The following NTNG1 variants were observed in gnomAD, a reference collection of about 807,000 sequenced individuals.
The protein encoded by NTNG1 is netrin-G1.
NTNG1 carries 16 observed loss-of-function variants against 54.0 expected under a neutral mutation model. That is an observed-to-expected ratio of 0.30 (90% CI 0.20 to 0.45). The LOEUF (loss-of-function observed/expected upper bound fraction) is 0.45, where lower values mean the gene tolerates loss of function less well. Among genes scored for constraint, NTNG1 ranks in the 20% least tolerant of loss-of-function variants. The pLI is 1.00. For missense variants in NTNG1, 530 were observed against 678.7 expected (o/e 0.78, Z 2.43); for synonymous variants, 255 against 263.1 (o/e 0.97, Z 0.30).
intron 5 of NTNG1, among the ~76,000 whole-genome samples, chr1:107,416,905 A>G (rs537749907): frequency 3.9e-4 from 59 of 152,256 alleles, no homozygotes; most frequent in African/African-American, 1.4e-3. Flanking sequence ...ATCTGATACT[A>G]ATAATACAAA....
intron 3 of NTNG1, among the ~76,000 whole-genome samples, chr1:107,384,748 C>T (rs1300150570): frequency 1.3e-5 from 2 of 152,102 alleles, no homozygotes; most frequent in African/African-American, 4.8e-5. Context: ...GCCCTAATGC[C>T]CCTTCTTTCA....
intron 7 of NTNG1, among the ~76,000 whole-genome samples, chr1:107,478,436 C>T (rs535677): frequency 0.89 from 135,935 of 152,210 alleles, 61,418 homozygotes; most frequent in East Asian, 1. Context: ...TACTTAAATG[C>T]AGGAAAAATA....
intron 2 of NTNG1, among the ~76,000 whole-genome samples, chr1:107,150,004 T>G (rs17018474): frequency 0.019 from 2,818 of 152,196 alleles, 80 homozygotes; most frequent in African/African-American, 0.064. Context: ...ATAAAAAAGG[T>G]TTTGTAACAG....
intron 2 of NTNG1, among the ~76,000 whole-genome samples, chr1:107,205,655 T>G (rs1196338224): frequency 6.6e-6 from 1 of 152,032 alleles, no homozygotes; most frequent in Non-Finnish European, 1.5e-5. Context: ...CCGTCTAACA[T>G]ACACGCAGAA....
chr1:107,263,670 A>G (rs1387947325), intron 2 of NTNG1, among the ~76,000 whole-genome samples: 1 of 152,220 alleles, frequency 6.6e-6, no homozygotes, highest in Non-Finnish European at 1.5e-5. Flanking sequence ...CTTCCCACTT[A>G]GCATTTCTTG....
At chr1:107,252,449 G>C (rs1662670019) in intron 2 of NTNG1, among the ~76,000 whole-genome samples, 2 of 152,156 alleles carry the variant, frequency 1.3e-5, no homozygotes, top group South Asian at 4.1e-4. Context: ...CAATATCTAA[G>C]AACAGGAAAT....
chr1:107,379,491 A>G (rs920849194), intron 3 of NTNG1, among the ~76,000 whole-genome samples: 1 of 152,184 alleles, frequency 6.6e-6, no homozygotes, highest in Admixed American at 6.5e-5. Flanking sequence ...GGTATTAGTC[A>G]TATCCTAAGC....
chr1:107,148,509 G>GTA lies in NTNG1; in HGVS notation c.-77_-76dup. 3 of 1,234,994 alleles carry GTA rather than the reference G, an allele frequency of 2.4e-6. No individual in the cohort carries two copies. Among genetic ancestry groups the GTA allele is most frequent in the Non-Finnish European group, 3.5e-6 (3 of 852,318 alleles). 76.5% of individuals were successfully genotyped at this position (1,234,994 alleles called of 1,614,324 possible). A position where few individuals can be genotyped will look rare whatever the true frequency, so the allele number is the denominator to read the frequency against. The stretch of plus-strand genomic sequence containing the variant: ...TACCCGTACGCATACATACATATGT[G>GTA]TATATATATGTAAACTAGACAAAGA... On this transcript the variant is annotated 5_prime_UTR_variant, in exon 2 of 8. The change creates a new upstream start codon in the 5' untranslated region. Transcript: ENST00000370068.
At chr1:107,252,175 A>G (rs1370161592) in intron 2 of NTNG1, among the ~76,000 whole-genome samples, 1 of 152,164 alleles carries the variant, frequency 6.6e-6, no homozygotes, top group African/African-American at 2.4e-5. Flanking sequence ...CATTTTGTCT[A>G]TTATTATTGC....
chr1:107,153,010 C>A (rs1418400613), intron 2 of NTNG1, among the ~76,000 whole-genome samples: 1 of 152,114 alleles, frequency 6.6e-6, no homozygotes, highest in African/African-American at 2.4e-5. Context: ...ATTCAAGTAC[C>A]TTAACAGATC....
Position 107,435,102 on chromosome 1 carries a change from G to A in NTNG1, c.1256-1563G>A, listed in dbSNP as rs192582118. Among the ~76,000 whole-genome samples, 10 of 151,964 alleles carry A rather than the reference G, an allele frequency of 6.6e-5. No individual in the cohort carries two copies. The East Asian group carries it at 1.4e-3, about 21-fold the overall frequency. Reference sequence around the variant, plus strand: ...TGACTGGAGGAGTATGTGAATTCACGTTGGCCAGATGTAACTCTGCTTACT... The same window carrying A: ...TGACTGGAGGAGTATGTGAATTCACATTGGCCAGATGTAACTCTGCTTACT... On this transcript the variant is annotated intron_variant, in intron 6 of 7. Coordinates refer to ENST00000370068, the MANE Select transcript of NTNG1 (RefSeq NM_001113226.3).
At chr1:107,405,752 G>A (rs1673375836) in intron 4 of NTNG1, among the ~76,000 whole-genome samples, 1 of 152,070 alleles carries the variant, frequency 6.6e-6, no homozygotes, top group Admixed American at 6.6e-5. Flanking sequence ...GATTACAACA[G>A]GCAAGCAGTG....
At chr1:107,348,834 G>A (rs11185096) in intron 3 of NTNG1, among the ~76,000 whole-genome samples, 11,465 of 152,152 alleles carry the variant, frequency 0.075, 557 homozygotes, top group East Asian at 0.16. Context: ...TTGTTGATAG[G>A]AATATTATTA....
At chr1:107,289,468 T>A (rs1296767653) in intron 2 of NTNG1, among the ~76,000 whole-genome samples, 1 of 152,218 alleles carries the variant, frequency 6.6e-6, no homozygotes, top group Non-Finnish European at 1.5e-5. Context: ...GATACTTGCC[T>A]TGCCTCCTAG....
intron 2 of NTNG1, among the ~76,000 whole-genome samples, chr1:107,222,488 C>A (rs1488667413): frequency 1.3e-5 from 2 of 152,098 alleles, no homozygotes; most frequent in Admixed American, 1.3e-4. Flanking sequence ...GTAGCATAGG[C>A]AAAGTTTAGC....
chr1:107,310,249 G>A (rs1318530945), intron 2 of NTNG1, among the ~76,000 whole-genome samples: 1 of 152,092 alleles, frequency 6.6e-6, no homozygotes, highest in Non-Finnish European at 1.5e-5. Flanking sequence ...CTTCACATTA[G>A]AATATTACTA....
At chr1:107,260,280 C>T (rs1163189107) in intron 2 of NTNG1, among the ~76,000 whole-genome samples, 1 of 152,182 alleles carries the variant, frequency 6.6e-6, no homozygotes, top group African/African-American at 2.4e-5. Context: ...AATACAAACT[C>T]TAAAGAGGCT....
chr1:107,349,937 T>C lies in NTNG1; in HGVS notation c.887+25015T>C, dbSNP rs903167202. ...AAAGTATCTAGGGAAATAAATACCT[T>C]GGAAGGGATAGGTAAGAAGCACATA... On this transcript the variant is annotated intron_variant, in intron 3 of 7. Transcript: ENST00000370068. Among the ~76,000 whole-genome samples the C allele has an allele frequency of 9.2e-5, 14 of 152,272 alleles. 1 individual carries two copies. In the East Asian group the frequency reaches 1.9e-3, roughly 21 times the overall value.
chr1:107,233,138 A>G (rs2101540461), intron 2 of NTNG1, among the ~76,000 whole-genome samples: 1 of 152,352 alleles, frequency 6.6e-6, no homozygotes, highest in East Asian at 1.9e-4. Context: ...ACATTAAACC[A>G]TATAGACCTG....
Sources: gnomAD v4.1 joint callset for allele counts (sites outside exome capture counted in the v4.1 genomes callset) on GRCh38, gnomAD v4.1.1 for gene constraint, MANE v1.5 for transcripts, NCBI Gene and HGNC (gene_info 2026-07-23, HGNC 2026-07-21) for gene names.